NPAS3: variants seen among roughly 807,000 people sequenced by gnomAD.
NPAS3 encodes neuronal PAS domain-containing protein 3.
A neutral mutation model predicts 73.1 loss-of-function variants in NPAS3; 14 were observed. The observed-to-expected ratio is 0.19, with a 90% CI of 0.13 to 0.30. The LOEUF (loss-of-function observed/expected upper bound fraction) is 0.30. NPAS3 is among the 10% of genes least tolerant of loss of function. The pLI is 1.00. For synonymous variants in NPAS3, 620 were observed against 541.5 expected (o/e 1.14, Z -2.01); for missense variants, 1,096 against 1,250.0 (o/e 0.88, Z 1.86).
At chr14:33,650,100 C>T (rs2058947603) in intron 5 of NPAS3, among the ~76,000 whole-genome samples, 1 of 152,098 alleles carries the variant, frequency 6.6e-6, no homozygotes, top group Admixed American at 6.5e-5. Flanking sequence ...TTAAGAAGGT[C>T]GACTGATTCT....
chr14:33,179,109 G>T (rs1212637294), intron 2 of NPAS3, among the ~76,000 whole-genome samples: 1 of 151,848 alleles, frequency 6.6e-6, no homozygotes, highest in African/African-American at 2.4e-5. Context: ...TCCCAATGTG[G>T]TGTATTACAT....
intron 5 of NPAS3, among the ~76,000 whole-genome samples, chr14:33,597,766 G>A (rs1452691289): frequency 6.6e-6 from 1 of 152,224 alleles, no homozygotes; most frequent in Non-Finnish European, 1.5e-5. Context: ...GTGATCAGCT[G>A]AGAAGACTCA....
rs566615155 is a variant in NPAS3 at position 32,945,240 on chromosome 14, T to G, written c.50+5874T>G. Among the ~76,000 whole-genome samples, 64 of 152,300 alleles carry G rather than the reference T, an allele frequency of 4.2e-4. 2 individuals carry two copies. The highest frequency in any genetic ancestry group is 1.5e-3 in the African/African-American group (64 of 41,566). Reference sequence around the variant, plus strand: ...AATATTGTAATTAGTGACTACAAAGTGATTAGAGGCTCCTGGAGGACAGAG... The same window carrying G: ...AATATTGTAATTAGTGACTACAAAGGGATTAGAGGCTCCTGGAGGACAGAG... On this transcript the variant is annotated intron_variant, in intron 1 of 11. Transcript: ENST00000356141.
chr14:33,193,882 T>G (rs571372947), intron 2 of NPAS3, among the ~76,000 whole-genome samples: 3 of 152,314 alleles, frequency 2.0e-5, no homozygotes, highest in South Asian at 2.1e-4. Flanking sequence ...TCTTTTGATA[T>G]CACTTCTATT....
chr14:33,544,801 T>TATATATATATGTATATATA (rs2054723848), intron 4 of NPAS3, among the ~76,000 whole-genome samples: 1 of 108,668 alleles, frequency 9.2e-6, no homozygotes, highest in Admixed American at 9.3e-5. Context: ...TATATATATA[T>TATATATATATGTATATATA]ATATATATAT....
intron 2 of NPAS3, among the ~76,000 whole-genome samples, chr14:33,096,613 A>C (rs1308084805): frequency 6.6e-6 from 1 of 152,160 alleles, no homozygotes; most frequent in African/African-American, 2.4e-5. Flanking sequence ...GGAGTAATAA[A>C]ATTGAACTAA....
chr14:33,637,415 A>G (rs1183633018), intron 5 of NPAS3, among the ~76,000 whole-genome samples: 3 of 152,226 alleles, frequency 2.0e-5, no homozygotes, highest in African/African-American at 7.2e-5. Flanking sequence ...ATTAGAGTCC[A>G]TTATAACTAA....
At chr14:33,719,429 G>T (rs148884957) in intron 6 of NPAS3, among the ~76,000 whole-genome samples, 1 of 152,108 alleles carries the variant, frequency 6.6e-6, no homozygotes, top group East Asian at 1.9e-4. Flanking sequence ...TGTTTATCAC[G>T]TGCCAAGCTA....
At chr14:33,573,629 G>T (rs529666741) in intron 5 of NPAS3, among the ~76,000 whole-genome samples, 1 of 152,222 alleles carries the variant, frequency 6.6e-6, no homozygotes, top group Admixed American at 6.5e-5. Context: ...TTTCTTATGG[G>T]AGAGATGAGT....
chr14:33,246,249 T>G (rs2048369010), intron 3 of NPAS3, among the ~76,000 whole-genome samples: 1 of 152,222 alleles, frequency 6.6e-6, no homozygotes, highest in South Asian at 2.1e-4. Flanking sequence ...TGTTAAGAAC[T>G]AAGTGCTCGG....
intron 11 of NPAS3, among the ~76,000 whole-genome samples, chr14:33,799,035 C>G (rs942537216): frequency 6.6e-6 from 1 of 150,698 alleles, no homozygotes; most frequent in Non-Finnish European, 1.5e-5. Flanking sequence ...GTCTTAGCCA[C>G]TCGGGAGGCT....
chr14:32,984,522 G>A (rs1394683828), intron 1 of NPAS3, among the ~76,000 whole-genome samples: 3 of 152,120 alleles, frequency 2.0e-5, no homozygotes, highest in African/African-American at 7.2e-5. Context: ...AAATACTTAT[G>A]CTTCAGTTCT....
At chr14:33,732,576 T>TC (rs1474459041) in intron 6 of NPAS3, among the ~76,000 whole-genome samples, 1 of 152,176 alleles carries the variant, frequency 6.6e-6, no homozygotes, top group Non-Finnish European at 1.5e-5. Flanking sequence ...ATATGGAATT[T>TC]CAGTAGAAAT....
chr14:33,701,225 C>T (rs11629290), intron 6 of NPAS3, among the ~76,000 whole-genome samples: 14,982 of 152,258 alleles, frequency 0.098, 949 homozygotes, highest in Middle Eastern at 0.18. Context: ...TCCATAACAA[C>T]CCTGTGAGGT....
chr14:32,936,071 A>ATTTTTACC (rs1484787215), upstream of NPAS3, among the ~76,000 whole-genome samples: 1 of 152,218 alleles, frequency 6.6e-6, no homozygotes, highest in East Asian at 1.9e-4. Flanking sequence ...AACAGTTCCT[A>ATTTTTACC]TTTTTACCTT....
intron 3 of NPAS3, among the ~76,000 whole-genome samples, chr14:33,249,911 C>A (rs113121756): frequency 6.7e-6 from 1 of 149,430 alleles, no homozygotes; most frequent in Non-Finnish European, 1.5e-5. Context: ...CTGTCATACA[C>A]ACACACACAC....
At chr14:32,973,147 T>G (rs2037507356) in intron 1 of NPAS3, among the ~76,000 whole-genome samples, 1 of 152,188 alleles carries the variant, frequency 6.6e-6, no homozygotes, top group South Asian at 2.1e-4. Flanking sequence ...AAAGGCACTT[T>G]CAGCTTAGTA....
intron 1 of NPAS3, among the ~76,000 whole-genome samples, chr14:32,990,772 T>TA (rs986284809): frequency 2.6e-5 from 4 of 151,686 alleles, no homozygotes; most frequent in African/African-American, 9.7e-5. Context: ...CAAAAAAATT[T>TA]AAAAAATAAT....
At chr14:33,478,791 A>G (rs974835833) in intron 4 of NPAS3, among the ~76,000 whole-genome samples, 7 of 152,212 alleles carry the variant, frequency 4.6e-5, no homozygotes, top group Non-Finnish European at 1.0e-4. Flanking sequence ...ATTGGAAAAC[A>G]TTATACTTGT....
Sources: allele counts gnomAD v4.1 joint callset (sites outside exome capture counted in the v4.1 genomes callset), GRCh38; gene constraint gnomAD v4.1.1; transcripts MANE v1.5; gene names NCBI Gene and HGNC (gene_info 2026-07-23, HGNC 2026-07-21).